MAST4: variants seen among roughly 807,000 people sequenced by gnomAD.
MAST4 encodes microtubule associated serine/threonine kinase family member 4.
In MAST4, 89 loss-of-function variants were observed where a neutral mutation model predicts 162.7. That is an observed-to-expected ratio of 0.55 (90% CI 0.46 to 0.65). The LOEUF (loss-of-function observed/expected upper bound fraction) is 0.65. Ranked by LOEUF, MAST4 falls within the 30% of genes least tolerant of loss-of-function variation. MAST4 has a pLI of 0.00. For synonymous variants in MAST4, 1,479 were observed against 1,361.1 expected (o/e 1.09, Z -1.91); for missense variants, 3,153 against 3,374.0 (o/e 0.93, Z 1.62).
At chr5:66,608,355 CTTTTTTTTTTTTTT>C (rs72272071) in intron 1 of MAST4, among the ~76,000 whole-genome samples, 10 of 44,416 alleles carry the variant, frequency 2.3e-4, no homozygotes, top group South Asian at 1.3e-3. Context: ...TGTGCCTGGC[CTTTTTTTTTTTTTT>C]TTTTTTTTTT....
At chr5:66,707,365 C>G (rs555165264) in intron 1 of MAST4, among the ~76,000 whole-genome samples, 1 of 152,102 alleles carries the variant, frequency 6.6e-6, no homozygotes, top group African/African-American at 2.4e-5. Flanking sequence ...GTTGGGCTGC[C>G]GTTCAGAGAA....
chr5:67,138,324 A>G (rs1336496136), intron 19 of MAST4, among the ~76,000 whole-genome samples: 4 of 152,236 alleles, frequency 2.6e-5, no homozygotes, highest in African/African-American at 4.8e-5. Flanking sequence ...TTCTAAGTTC[A>G]TAAACTGACA....
intron 13 of MAST4, 81 bp from the exon 14 acceptor site, chr5:67,120,936 C>A (rs2254790): frequency 0.29 from 292,156 of 1,011,766 alleles, 48,309 homozygotes; most frequent in African/African-American, 0.67. Flanking sequence ...ACAGCATGTC[C>A]TTCAAATATT....
chr5:66,903,514 A>G (rs2149988923), intron 4 of MAST4, among the ~76,000 whole-genome samples: 1 of 152,122 alleles, frequency 6.6e-6, no homozygotes, highest in African/African-American at 2.4e-5. Context: ...CCAAATAAAT[A>G]TGATTTGACA....
intron 1 of MAST4, among the ~76,000 whole-genome samples, chr5:66,714,131 C>T (rs1262137022): frequency 6.6e-6 from 1 of 152,238 alleles, no homozygotes; most frequent in Non-Finnish European, 1.5e-5. Context: ...AGTCTTTCTG[C>T]TAAACTGCCT....
chr5:66,719,481 G>C (rs983129905), intron 1 of MAST4, among the ~76,000 whole-genome samples: 2 of 152,148 alleles, frequency 1.3e-5, no homozygotes, highest in Non-Finnish European at 2.9e-5. Flanking sequence ...ATTGTAAATT[G>C]TTTACAAAAT....
intron 4 of MAST4, chr5:67,004,840 G>C: frequency 3.3e-6 from 2 of 604,580 alleles, no homozygotes; most frequent in South Asian, 4.0e-5. Context: ...AGTTGTTCTT[G>C]AGATCACAGT....
intron 4 of MAST4, chr5:67,001,748 C>T (rs1404909939): frequency 2.6e-5 from 4 of 152,196 alleles, no homozygotes; most frequent in African/African-American, 7.2e-5. Context: ...CTCAGGTCTT[C>T]AAACCACCTA....
chr5:66,822,286 C>T (rs1375818494), intron 3 of MAST4, among the ~76,000 whole-genome samples: 6 of 152,070 alleles, frequency 3.9e-5, no homozygotes, highest in Non-Finnish European at 8.8e-5. Flanking sequence ...CAGCCTTGCC[C>T]TGAGTCATTT....
intron 4 of MAST4, among the ~76,000 whole-genome samples, chr5:66,968,191 T>C (rs535145968): frequency 4.6e-5 from 7 of 152,214 alleles, no homozygotes; most frequent in Non-Finnish European, 1.0e-4. Context: ...CTTTTGTACT[T>C]CTGCTTCATC....
chr5:66,626,770 G>T (rs1744458877), intron 1 of MAST4, among the ~76,000 whole-genome samples: 1 of 152,186 alleles, frequency 6.6e-6, no homozygotes, highest in East Asian at 1.9e-4. Flanking sequence ...CAAGGGGTGA[G>T]GGTTGAGATT....
At chr5:66,699,126 C>T (rs542849173) in intron 1 of MAST4, among the ~76,000 whole-genome samples, 40 of 152,316 alleles carry the variant, frequency 2.6e-4, no homozygotes, top group Admixed American at 6.5e-4. Context: ...ACACGCCCTC[C>T]GGCACAATCT....
intron 3 of MAST4, among the ~76,000 whole-genome samples, chr5:66,884,182 A>G (rs1761892242): frequency 6.6e-6 from 1 of 152,238 alleles, no homozygotes; most frequent in South Asian, 2.1e-4. Flanking sequence ...AGTGTTTCAT[A>G]TTAAATTTGG....
At chr5:67,024,371 A>G (rs114641137) in intron 4 of MAST4, among the ~76,000 whole-genome samples, 3,287 of 149,042 alleles carry the variant, frequency 0.022, 54 homozygotes, top group African/African-American at 0.044. Context: ...AGATAGCTAT[A>G]TATGTACACA....
intron 4 of MAST4, among the ~76,000 whole-genome samples, chr5:66,949,531 A>T (rs1334072215): frequency 6.6e-6 from 1 of 152,180 alleles, no homozygotes; most frequent in Non-Finnish European, 1.5e-5. Context: ...AGGCCTCCCA[A>T]GCCATGCTGA....
At chr5:66,598,262 G>C (rs1472310251) in intron 1 of MAST4, among the ~76,000 whole-genome samples, 2 of 152,164 alleles carry the variant, frequency 1.3e-5, no homozygotes, top group Non-Finnish European at 2.9e-5. Context: ...CCCATTGCAA[G>C]GATCCTGGAT....
chr5:66,945,984 G>A (rs527485526), intron 4 of MAST4, among the ~76,000 whole-genome samples: 4 of 152,112 alleles, frequency 2.6e-5, no homozygotes, highest in Non-Finnish European at 5.9e-5. Context: ...TAGGTAGAAG[G>A]GTTTCAAAAT....
intron 3 of MAST4, among the ~76,000 whole-genome samples, chr5:66,867,191 G>T (rs949280669): frequency 2.6e-5 from 4 of 152,054 alleles, no homozygotes; most frequent in Non-Finnish European, 5.9e-5. Context: ...TGGAACTAAT[G>T]CTAAAATTAT....
intron 23 of MAST4, 59 bp downstream of exon 23, chr5:67,145,438 C>T (rs2151050648): frequency 6.7e-7 from 1 of 1,486,310 alleles, no homozygotes; most frequent in Non-Finnish European, 9.3e-7. Context: ...TCTCCTAGTG[C>T]TCAGTCCCAG....
Sources: allele counts gnomAD v4.1 joint callset (sites outside exome capture counted in the v4.1 genomes callset), GRCh38; gene constraint gnomAD v4.1.1; transcripts MANE v1.5; gene names NCBI Gene and HGNC (gene_info 2026-07-23, HGNC 2026-07-21).